The following WWC1 variants were observed in gnomAD, a reference collection of about 807,000 sequenced individuals.
WWC1 encodes protein KIBRA.
Under a neutral mutation model 138.4 loss-of-function variants are expected in WWC1, and 55 were observed. The observed-to-expected ratio is 0.40, with a 90% confidence interval of 0.32 to 0.50. The LOEUF (loss-of-function observed/expected upper bound fraction) is 0.50, where lower values mean the gene tolerates loss of function less well. Ranked by LOEUF, WWC1 falls within the 20% of genes least tolerant of loss-of-function variation. WWC1 has a pLI of 0.72. For synonymous variants in WWC1, 524 were observed against 564.9 expected (o/e 0.93, Z 1.03); for missense variants, 1,226 against 1,420.4 (o/e 0.86, Z 2.20).
chr5:168,436,903 T>C (rs149451919), intron 15 of WWC1, among the ~76,000 whole-genome samples: 4 of 152,330 alleles, frequency 2.6e-5, no homozygotes, highest in Non-Finnish European at 5.9e-5. Context: ...TGTTTAAATG[T>C]AAATCAGTGC....
At chr5:168,316,296 G>T (rs1408437956) in intron 1 of WWC1, among the ~76,000 whole-genome samples, 2 of 152,196 alleles carry the variant, frequency 1.3e-5, no homozygotes, top group African/African-American at 4.8e-5. Flanking sequence ...AGGTGCCTGG[G>T]ATCGAAAGGA....
Position 168,418,780 on chromosome 5 carries a change from G to A in WWC1, c.1185-3228G>A, listed in dbSNP as rs374205450. On this transcript the variant is annotated intron_variant, in intron 9 of 22. Coordinates refer to ENST00000265293, the MANE Select transcript of WWC1 (RefSeq NM_015238.3). Reference sequence around the variant, plus strand: ...TGAGCGCCAGCTGCTCCTTGATCCTGGACCTCAACTGTTCCTGAGCTTTCC... The same window carrying A: ...TGAGCGCCAGCTGCTCCTTGATCCTAGACCTCAACTGTTCCTGAGCTTTCC... Among the ~76,000 whole-genome samples, 25 of 152,160 alleles carry A rather than the reference G, an allele frequency of 1.6e-4. No individual in the cohort carries two copies. The South Asian group carries it at 5.0e-3, about 30-fold the overall frequency.
At chr5:168,395,722 G>C (rs1778851922) in intron 3 of WWC1, among the ~76,000 whole-genome samples, 1 of 152,174 alleles carries the variant, frequency 6.6e-6, no homozygotes, top group Non-Finnish European at 1.5e-5. Flanking sequence ...CAAGGCCCTT[G>C]CCACCCCAAG....
chr5:168,401,402 A>G (rs549057315), intron 5 of WWC1, among the ~76,000 whole-genome samples: 3 of 152,226 alleles, frequency 2.0e-5, no homozygotes, highest in Non-Finnish European at 4.4e-5. Flanking sequence ...TCCCTCCCTG[A>G]CTGCTATACC....
chr5:168,355,924 A>AAGGG (rs1775371596), intron 1 of WWC1, among the ~76,000 whole-genome samples: 1 of 150,528 alleles, frequency 6.6e-6, no homozygotes, highest in African/African-American at 2.4e-5. Context: ...AAGAGAGAGA[A>AAGGG]AGAGAGACGG....
chr5:168,417,021 C>T (rs1780710396), intron 9 of WWC1, among the ~76,000 whole-genome samples: 1 of 152,072 alleles, frequency 6.6e-6, no homozygotes, highest in African/African-American at 2.4e-5. Context: ...GTGTGCACCA[C>T]CACACCCAGC....
chr5:168,422,641 A>G (rs1582241613), intron 10 of WWC1, among the ~76,000 whole-genome samples: 1 of 151,974 alleles, frequency 6.6e-6, no homozygotes, highest in East Asian at 1.9e-4. Context: ...GCCTTAGGAA[A>G]CTCACACTGC....
chr5:168,372,507 C>G (rs1294333115), intron 2 of WWC1, among the ~76,000 whole-genome samples: 1 of 152,186 alleles, frequency 6.6e-6, no homozygotes, highest in Non-Finnish European at 1.5e-5. Flanking sequence ...ATCCTAATAG[C>G]CTCTGTTTAC....
Position 168,422,055 on chromosome 5 carries a change from A to G in WWC1, c.1232A>G (p.Glu411Gly). ...AACCAGCTTGTGAGAGAACTGGAGGAAGCCACCCGGCAGGTGGCAACTCTG... is the reference window on the plus strand; with the variant it reads ...AACCAGCTTGTGAGAGAACTGGAGGGAGCCACCCGGCAGGTGGCAACTCTG... ...KRNQLVRELE[E>G]ATRQVATLHS... The change falls in exon 10 of 23, where the codon GAA becomes GGA. Residue 411 changes from glutamate to glycine, a missense_variant. By Grantham distance (98) the Glu-to-Gly change is moderately conservative. Coordinates refer to ENST00000265293, the MANE Select transcript of WWC1 (RefSeq NM_015238.3). 5 of 1,612,856 alleles carry G rather than the reference A, an allele frequency of 3.1e-6. No individual in the cohort carries two copies. The highest frequency in any genetic ancestry group is 2.5e-6 in the Non-Finnish European group (3 of 1,179,288).
intron 1 of WWC1, among the ~76,000 whole-genome samples, chr5:168,332,565 T>C (rs965535741): frequency 1.5e-4 from 23 of 152,336 alleles, no homozygotes; most frequent in South Asian, 2.1e-4. Context: ...CCTGCTGATA[T>C]GTCTGTGAAA....
intron 17 of WWC1, among the ~76,000 whole-genome samples, chr5:168,447,197 A>G (rs1408867578): frequency 6.6e-6 from 1 of 152,222 alleles, no homozygotes; most frequent in Non-Finnish European, 1.5e-5. Flanking sequence ...ATAAGCACTT[A>G]ACACAGACCC....
intron 9 of WWC1, among the ~76,000 whole-genome samples, chr5:168,420,844 G>T (rs147102829): frequency 6.6e-6 from 1 of 151,964 alleles, no homozygotes; most frequent in Non-Finnish European, 1.5e-5. Context: ...CACCCTCCCC[G>T]CCTTCAGTCT....
chr5:168,462,731 C>G (rs1756923702), intron 20 of WWC1, among the ~76,000 whole-genome samples: 1 of 152,208 alleles, frequency 6.6e-6, no homozygotes, highest in South Asian at 2.1e-4. Context: ...TCCCTCGGGT[C>G]CTGAGGAACA....
intron 2 of WWC1, among the ~76,000 whole-genome samples, chr5:168,375,938 C>A (rs565128258): frequency 2.6e-5 from 4 of 152,090 alleles, no homozygotes; most frequent in Non-Finnish European, 5.9e-5. Flanking sequence ...TCAGTATCCC[C>A]GATTATCTAC....
At chr5:168,465,548 CTTTTTTTTTTTT>C (rs10527141) in intron 21 of WWC1, among the ~76,000 whole-genome samples, 17 of 46,950 alleles carry the variant, frequency 3.6e-4, no homozygotes, top group African/African-American at 1.0e-3. Context: ...ATCAGCTGGG[CTTTTTTTTTTTT>C]TTTTTTTTTT....
At chr5:168,302,720 A>G (rs1399554019) in intron 1 of WWC1, among the ~76,000 whole-genome samples, 2 of 152,120 alleles carry the variant, frequency 1.3e-5, no homozygotes, top group African/African-American at 4.8e-5. Flanking sequence ...AGGCTCTCTG[A>G]GTCTGTTTTT....
At chr5:168,468,901 G>C in intron 22 of WWC1, 50 bp from the exon 23 acceptor site, 1 of 1,590,760 alleles carries the variant, frequency 6.3e-7, no homozygotes, top group Non-Finnish European at 8.6e-7. Flanking sequence ...CAGAATCTCT[G>C]TAGAGCGAGG....
rs2010076 is a variant in WWC1 at position 168,467,632 on chromosome 5, T to G, written c.3151-208T>G. ...TCTCCTCAATTCCTCAGATCCACAG[T>G]TATTCCGTTTCCTGGCCCCAAAAAT... On this transcript the variant is annotated intron_variant, in intron 21 of 22. Transcript: ENST00000265293. 4,209 of 660,104 alleles carry G rather than the reference T, an allele frequency of 6.4e-3. 143 individuals are homozygous for G. The African/African-American group carries it at 0.067, about 11-fold the overall frequency. 40.9% of individuals were successfully genotyped at this position (660,104 alleles called of 1,614,324 possible).
intron 5 of WWC1, among the ~76,000 whole-genome samples, chr5:168,405,460 C>G (rs1779705927): frequency 6.6e-6 from 1 of 152,182 alleles, no homozygotes; most frequent in South Asian, 2.1e-4. Context: ...CTCCTGTTCC[C>G]AAGCCTCCCA....
Sources: gnomAD v4.1 joint callset for allele counts (sites outside exome capture counted in the v4.1 genomes callset) on GRCh38, gnomAD v4.1.1 for gene constraint, MANE v1.5 for transcripts, NCBI Gene and HGNC (gene_info 2026-07-23, HGNC 2026-07-21) for gene names.